MIPEP: variants seen among roughly 807,000 people sequenced by gnomAD.
MIPEP encodes the protein mitochondrial intermediate peptidase.
A neutral mutation model predicts 90.3 loss-of-function variants in MIPEP; 79 were observed. That is an observed-to-expected ratio of 0.87 (90% CI 0.73 to 1.05). The LOEUF (loss-of-function observed/expected upper bound fraction) is 1.05. Among genes scored for constraint, MIPEP ranks in the 50% least tolerant of loss-of-function variants. MIPEP has a pLI of 0.00. For synonymous variants in MIPEP, 334 were observed against 315.8 expected, an observed-to-expected ratio of 1.06 and a Z score of -0.61; for missense variants, 940 against 905.6, an observed-to-expected ratio of 1.04 and a Z score of -0.49.
intron 14 of MIPEP, among the ~76,000 whole-genome samples, chr13:23,825,011 T>C (rs921697839): frequency 6.6e-6 from 1 of 152,192 alleles, no homozygotes; most frequent in Admixed American, 6.5e-5. Flanking sequence ...GCTTTACAGT[T>C]TGCGTCCATT....
chr13:23,872,748 G>A (rs1870878132), intron 5 of MIPEP, among the ~76,000 whole-genome samples: 2 of 152,122 alleles, frequency 1.3e-5, no homozygotes, highest in Non-Finnish European at 2.9e-5. Context: ...TTAGATAAAA[G>A]CGGCAATGTC....
intron 16 of MIPEP, among the ~76,000 whole-genome samples, chr13:23,764,826 G>C (rs1952578175): frequency 6.6e-6 from 1 of 152,116 alleles, no homozygotes; most frequent in Non-Finnish European, 1.5e-5. Context: ...TCAAGTGCTG[G>C]GATTACAGGT....
chr13:23,788,800 A>C (rs1213717216), intron 16 of MIPEP, among the ~76,000 whole-genome samples: 2 of 152,198 alleles, frequency 1.3e-5, no homozygotes, highest in East Asian at 3.8e-4. Context: ...ACAAATTCTT[A>C]AATGTTACAT....
At chr13:23,802,254 G>T (rs983045867) in intron 16 of MIPEP, among the ~76,000 whole-genome samples, 2 of 152,092 alleles carry the variant, frequency 1.3e-5, no homozygotes, top group Non-Finnish European at 2.9e-5. Flanking sequence ...CATGTCTTTT[G>T]TTTATTCAAA....
At chr13:23,859,649 G>A (rs1870203406) in intron 9 of MIPEP, among the ~76,000 whole-genome samples, 1 of 152,088 alleles carries the variant, frequency 6.6e-6, no homozygotes. Context: ...TTACATTCCT[G>A]TCCCCTGAAC....
At position 23,889,338 on chromosome 13, in the gene MIPEP, CCCTT is replaced by C; in HGVS notation, c.-22_-19del. ...CACAGCATTCTAGCACCAGAGCAGTCCCTTCCTCCAACGCAGATCCCTGCCCTGC... is the reference window on the plus strand; with the variant it reads ...CACAGCATTCTAGCACCAGAGCAGTCCCTCCAACGCAGATCCCTGCCCTGC... On this transcript the variant is annotated 5_prime_UTR_variant, in exon 1 of 19. Coordinates refer to ENST00000382172, the MANE Select transcript of MIPEP (RefSeq NM_005932.4). 2.3e-6 allele frequency: 3 copies of C among 1,311,010 alleles called. No homozygotes were observed. Among genetic ancestry groups the C allele is most frequent in the Non-Finnish European group, 2.9e-6 (3 of 1,029,038 alleles). 81.2% of individuals were successfully genotyped at this position (1,311,010 alleles called of 1,614,324 possible). A position where few individuals can be genotyped will look rare whatever the true frequency, so the allele number is the denominator to read the frequency against.
chr13:23,858,502 C>T (rs899804550), intron 10 of MIPEP, among the ~76,000 whole-genome samples: 2 of 138,982 alleles, frequency 1.4e-5, no homozygotes, highest in Admixed American at 7.3e-5. Context: ...AGGAAAATAA[C>T]GTAGTACCAC....
At position 23,881,718 on chromosome 13, in the gene MIPEP, T is replaced by C. The variant is rs770004164; in HGVS notation, c.433A>G (p.Ile145Val). 6 of 1,613,918 alleles carry C rather than the reference T, an allele frequency of 3.7e-6. No individual in the cohort carries two copies. The East Asian group carries it at 1.3e-4, about 36-fold the overall frequency. Residue 145 changes from isoleucine (I) to valine (V), a missense_variant, in exon 3 of 19, where the codon ATT becomes GTT. Transcript: ENST00000382172. ...REAAEEACRS[I>V]GTMVEKLNTN... ...ACATACTTCTCTACCATGGTGCCAA[T>C]ACTTCTACAAGCTTCTTCCGCAGCT...
At position 23,798,575 on chromosome 13, in the gene MIPEP, G is replaced by T. The variant is rs2031440; in HGVS notation, c.1848+7375C>A. ...CTTGGCCCAAATCTCATGTCAAATT[G>T]TAATCCACAACATTGGAGATAGGGC... On this transcript the variant is annotated intron_variant, in intron 16 of 18. Coordinates refer to ENST00000382172, the MANE Select transcript of MIPEP (RefSeq NM_005932.4). Among the ~76,000 whole-genome samples the T allele has an allele frequency of 0.026, 3,934 of 152,270 alleles. 407 individuals are homozygous for T. In the East Asian group the frequency reaches 0.34, roughly 13 times the overall value.
intron 16 of MIPEP, among the ~76,000 whole-genome samples, chr13:23,780,848 G>T (rs1402354839): frequency 2.0e-5 from 3 of 152,114 alleles, no homozygotes; most frequent in South Asian, 2.1e-4. Flanking sequence ...GGAAGAAAGG[G>T]TATCAGTGAT....
intron 14 of MIPEP, among the ~76,000 whole-genome samples, chr13:23,823,312 C>T (rs1047060584): frequency 1.3e-5 from 2 of 152,026 alleles, no homozygotes; most frequent in African/African-American, 4.8e-5. Context: ...GATAAAAATA[C>T]CTCTGCCACA....
intron 16 of MIPEP, among the ~76,000 whole-genome samples, chr13:23,776,548 T>C (rs1952719118): frequency 6.6e-6 from 1 of 152,216 alleles, no homozygotes; most frequent in Non-Finnish European, 1.5e-5. Flanking sequence ...TGTACATGTA[T>C]ATATCATCCA....
chr13:23,779,733 C>T (rs1952758389), intron 16 of MIPEP, among the ~76,000 whole-genome samples: 1 of 152,104 alleles, frequency 6.6e-6, no homozygotes, highest in Admixed American at 6.6e-5. Context: ...GCAGATGGCA[C>T]CTGGAAAATC....
At chr13:23,873,308 G>C (rs1870916857) in intron 5 of MIPEP, among the ~76,000 whole-genome samples, 1 of 152,160 alleles carries the variant, frequency 6.6e-6, no homozygotes, top group Non-Finnish European at 1.5e-5. Context: ...CTAGACAATG[G>C]GAAGTCCACA....
At chr13:23,818,946 A>G (rs1426705777) in intron 14 of MIPEP, among the ~76,000 whole-genome samples, 1 of 152,212 alleles carries the variant, frequency 6.6e-6, no homozygotes, top group East Asian at 1.9e-4. Context: ...CATAAATTTG[A>G]CCAAAAAAAA....
Position 23,836,356 on chromosome 13 carries a change from C to CA in MIPEP, c.1544-8dup. ...TCAGTAGGGCACCTGGTCCCTAAAACAAGAAAAAAAAAAAAGTTGGCATGA... is the reference window on the plus strand; with the variant it reads ...TCAGTAGGGCACCTGGTCCCTAAAACAAAGAAAAAAAAAAAAGTTGGCATGA... On this transcript the variant is annotated splice_region_variant and splice_polypyrimidine_tract_variant and intron_variant, in intron 13 of 18. Coordinates refer to ENST00000382172, the MANE Select transcript of MIPEP (RefSeq NM_005932.4). 6 of 1,500,558 alleles carry CA rather than the reference C, an allele frequency of 4.0e-6. No homozygotes were observed. The highest frequency in any genetic ancestry group is 2.7e-5 in the South Asian group (2 of 74,840). 93.0% of individuals were successfully genotyped at this position (1,500,558 alleles called of 1,614,324 possible).
At chr13:23,881,326 CTTAT>C (rs1319557287) in intron 3 of MIPEP, among the ~76,000 whole-genome samples, 15 of 152,142 alleles carry the variant, frequency 9.9e-5, no homozygotes, top group African/African-American at 3.6e-4. Context: ...CTAAAAAGCC[CTTAT>C]TTAAGGTAAG....
chr13:23,863,235 C>T (rs1387245181), intron 8 of MIPEP, among the ~76,000 whole-genome samples: 1 of 152,028 alleles, frequency 6.6e-6, no homozygotes, highest in Non-Finnish European at 1.5e-5. Context: ...ATCCTTAGTA[C>T]CTAAAGGTGT....
intron 16 of MIPEP, among the ~76,000 whole-genome samples, chr13:23,777,099 G>A (rs1952727069): frequency 6.6e-6 from 1 of 152,172 alleles, no homozygotes; most frequent in South Asian, 2.1e-4. Flanking sequence ...TATAAAGGCA[G>A]GTGAAAATGC....
Sources: allele counts gnomAD v4.1 joint callset (sites outside exome capture counted in the v4.1 genomes callset), GRCh38; gene constraint gnomAD v4.1.1; transcripts MANE v1.5; gene names NCBI Gene and HGNC (gene_info 2026-07-23, HGNC 2026-07-21).